POLD4: variants seen among roughly 807,000 people sequenced by gnomAD.
The protein encoded by POLD4 is DNA polymerase delta subunit 4.
POLD4 carries 9 observed loss-of-function variants against 16.5 expected under a neutral mutation model. That is an observed-to-expected ratio of 0.55 (90% CI 0.33 to 0.95). POLD4 has a LOEUF of 0.95. Among genes scored for constraint, POLD4 ranks in the 40% least tolerant of loss-of-function variants. POLD4 has a pLI of 0.03. For missense variants in POLD4, 129 were observed against 139.7 expected, an observed-to-expected ratio of 0.92 and a Z score of 0.39; for synonymous variants, 62 against 57.6, an observed-to-expected ratio of 1.08 and a Z score of -0.35.
In POLD4 at chr11:67,351,790, C is replaced by T; in HGVS notation, c.*205G>A. 1.7e-6 allele frequency: 1 copy of T among 575,640 alleles called. No homozygotes were observed. The allele number at this position is 575,640 out of a possible 1,614,324, so 35.7% of individuals were successfully genotyped here. On this transcript the variant is annotated 3_prime_UTR_variant, in exon 4 of 4. Coordinates refer to ENST00000312419, the MANE Select transcript of POLD4 (RefSeq NM_021173.5). This position sits in a 1 kb window ranked among gnomAD's most constrained non-coding sequence, Gnocchi z 4.8. Reference sequence around the variant, plus strand: ...CCACTCTCCATCTAGAAGCACTCTGCTTCAGCTGCGCAGGCTCTTCCGGGG... The same window carrying T: ...CCACTCTCCATCTAGAAGCACTCTGTTTCAGCTGCGCAGGCTCTTCCGGGG...
Position 67,351,946 on chromosome 11 carries a change from C to G in POLD4, c.*49G>C. 7.1e-7 allele frequency: 1 copy of G among 1,399,330 alleles called. No homozygotes were observed. The highest frequency in any genetic ancestry group is 1.5e-5 in the African/African-American group (1 of 67,042). 86.7% of individuals were successfully genotyped at this position (1,399,330 alleles called of 1,614,324 possible). ...GGGCTCTCGCTTCTGTCCTGAGGTT[C>G]TTGGGTGGTGAGCAAGAGAGCTAAG... is the stretch of plus-strand genomic sequence containing the variant. On this transcript the variant is annotated 3_prime_UTR_variant, in exon 4 of 4. Coordinates refer to ENST00000312419, the MANE Select transcript of POLD4 (RefSeq NM_021173.5). The surrounding 1 kb of genome is among the most constrained non-coding windows in gnomAD (Gnocchi z 4.8).
intron 1 of POLD4, 42 bp from the exon 2 acceptor site, chr11:67,353,119 C>G: frequency 1.3e-6 from 2 of 1,540,614 alleles, no homozygotes; most frequent in Admixed American, 3.9e-5. Context: ...TGGCTTCAGT[C>G]TCCTGCCCCT....
chr11:67,352,140 T>C, intron 3 of POLD4, 121 bp from the exon 4 acceptor site: 4 of 788,022 alleles, frequency 5.1e-6, no homozygotes, highest in Non-Finnish European at 8.5e-6. Context: ...CCCATAGTCC[T>C]TGGGAAACCC....
chr11:67,351,748 G>T lies in POLD4; in HGVS notation c.*247C>A. ...GCAGGTATTGGAAGGTGATGGCCAG[G>T]TCCTTTTCCCCAGTGACCACTCTCC... On this transcript the variant is annotated 3_prime_UTR_variant, in exon 4 of 4. Coordinates refer to ENST00000312419, the MANE Select transcript of POLD4 (RefSeq NM_021173.5). The surrounding 1 kb of genome is among the most constrained non-coding windows in gnomAD (Gnocchi z 4.8). 1 of 504,822 alleles carries T rather than the reference G, an allele frequency of 2.0e-6. No homozygotes were observed. The highest frequency in any genetic ancestry group is 3.4e-5 in the East Asian group (1 of 29,722). 31.3% of individuals were successfully genotyped at this position (504,822 alleles called of 1,614,324 possible).
At chr11:67,353,170 C>A in intron 1 of POLD4, 93 bp from the exon 2 acceptor site, 1 of 1,498,190 alleles carries the variant, frequency 6.7e-7, no homozygotes. Flanking sequence ...CCTCTGCCAC[C>A]CCGCAGCTAG....
In POLD4 at chr11:67,352,678, G is replaced by A. The variant is rs1476844363; in HGVS notation, c.299+13C>T. 1 of 1,606,754 alleles carries A rather than the reference G, an allele frequency of 6.2e-7. No homozygotes were observed. The highest frequency in any genetic ancestry group is 1.1e-5 in the South Asian group (1 of 90,812). On this transcript the variant is annotated intron_variant, in intron 3 of 3. Coordinates refer to ENST00000312419, the MANE Select transcript of POLD4 (RefSeq NM_021173.5). ...CCTGGCTCCCCTGAAAGCCCTCCCG[G>A]CCTGTCTCTGACCTGCACTGGAAGC...
chr11:67,353,209 ACCTTTC>A, intron 1 of POLD4, 88 bp downstream of exon 1: 1 of 1,534,410 alleles, frequency 6.5e-7, no homozygotes, highest in Non-Finnish European at 8.9e-7. Flanking sequence ...AGGACAGGCC[ACCTTTC>A]CCTTTCCATC....
chr11:67,353,274 T>A, intron 1 of POLD4, 29 bp downstream of exon 1: 1 of 1,598,728 alleles, frequency 6.3e-7, no homozygotes, highest in Non-Finnish European at 8.5e-7. Context: ...CCGTGTCCAC[T>A]CCTCCTGCCT....
intron 3 of POLD4, 181 bp from the exon 4 acceptor site, chr11:67,352,200 C>T (rs1861882569): frequency 3.4e-6 from 2 of 580,346 alleles, no homozygotes; most frequent in Non-Finnish European, 6.2e-6. Flanking sequence ...CCTTTGCCCC[C>T]CACTAGCTTG....
intron 1 of POLD4, 68 bp downstream of exon 1, chr11:67,353,235 G>A (rs1450910414): frequency 6.4e-7 from 1 of 1,560,358 alleles, no homozygotes; most frequent in Non-Finnish European, 8.7e-7. Flanking sequence ...CGGCCCCTCC[G>A]CCCCTCTAGG....
Position 67,351,892 on chromosome 11 carries a change from G to T in POLD4, c.*103C>A. On this transcript the variant is annotated 3_prime_UTR_variant, in exon 4 of 4. Transcript: ENST00000312419. This position sits in a 1 kb window ranked among gnomAD's most constrained non-coding sequence, Gnocchi z 4.8. ...GGTTCTGCCTGCCAAGGGTTCCTCC[G>T]CAGCCGGGCTGAGCTGAGCAGGAGC... is the stretch of plus-strand genomic sequence containing the variant. The T allele has an allele frequency of 7.6e-7, 1 of 1,320,568 alleles. No individual in the cohort carries two copies. Among genetic ancestry groups the T allele is most frequent in the Non-Finnish European group, 1.1e-6 (1 of 943,314 alleles). The allele number at this position is 1,320,568 out of a possible 1,614,324, so 81.8% of individuals were successfully genotyped here.
chr11:67,353,016 G>A lies in POLD4; in HGVS notation c.159C>T (p.Asp53=). ...TGCAGGGCCCGTACTGCCAGGCCAG[G>A]TCAAACTGCCTCAGCAGCTCCAGCT... ...EAELELLRQF[D]LAWQYGPCTG... The change falls in exon 2 of 4, where the codon GAC becomes GAT. Residue 53 remains aspartate (D), a synonymous_variant. Coordinates refer to ENST00000312419, the MANE Select transcript of POLD4 (RefSeq NM_021173.5). 1 of 1,587,270 alleles carries A rather than the reference G, an allele frequency of 6.3e-7. No individual in the cohort carries two copies. The highest frequency in any genetic ancestry group is 8.6e-7 in the Non-Finnish European group (1 of 1,166,532).
chr11:67,353,300 G>A lies in POLD4; in HGVS notation c.97+3C>T, dbSNP rs1477100880. 1 of 1,610,792 alleles carries A rather than the reference G, an allele frequency of 6.2e-7. No homozygotes were observed. The highest frequency in any genetic ancestry group is 1.1e-5 in the South Asian group (1 of 90,946). On this transcript the variant is annotated splice_donor_region_variant and intron_variant, in intron 1 of 3. Coordinates refer to ENST00000312419, the MANE Select transcript of POLD4 (RefSeq NM_021173.5). ...CCTCCTGCCTCCCTCACACCTCAGAGACCTAGCTCGGGTGCCAGCTCCCCC... is the reference window on the plus strand; with the variant it reads ...CCTCCTGCCTCCCTCACACCTCAGAAACCTAGCTCGGGTGCCAGCTCCCCC...
rs554917197 is a variant in POLD4 at position 67,351,587 on chromosome 11, C to A, written c.*408G>T. 22 of 188,382 alleles carry A rather than the reference C, an allele frequency of 1.2e-4. No homozygotes were observed. The South Asian group carries it at 2.1e-3, about 18-fold the overall frequency. 11.7% of individuals were successfully genotyped at this position (188,382 alleles called of 1,614,324 possible). ...TTCTTTATTGATAAGCATTAGTGAA[C>A]CCCTTGCCCTGGGAGCTCAGCCAGT... On this transcript the variant is annotated 3_prime_UTR_variant, in exon 4 of 4. Transcript: ENST00000312419. This position sits in a 1 kb window ranked among gnomAD's most constrained non-coding sequence, Gnocchi z 4.8.
Position 67,353,339 on chromosome 11 carries a change from C to A in POLD4, c.61G>T (p.Ala21Ser), listed in dbSNP as rs753879282. The A allele has an allele frequency of 6.2e-7, 1 of 1,612,378 alleles. No homozygotes were observed. The highest frequency in any genetic ancestry group is 8.5e-7 in the Non-Finnish European group (1 of 1,179,980). Residue 21 changes from alanine (A) to serine (S), a missense_variant, in exon 1 of 4, where the codon GCT (alanine) becomes TCT (serine). Coordinates refer to ENST00000312419, the MANE Select transcript of POLD4 (RefSeq NM_021173.5). ...YPVVKRREGP[A>S]GHSKGELAPE... ...GCCAGCTCCCCCTTGCTGTGCCCAG[C>A]GGGCCCCTCCCTCCTCTTCACAACC...
chr11:67,352,660 C>G (rs771932144), intron 3 of POLD4, 31 bp downstream of exon 3: 1 of 1,563,270 alleles, frequency 6.4e-7, no homozygotes. Context: ...GGCCCTGGCT[C>G]CCCTGAAAGC....
chr11:67,351,703 A>G lies in POLD4; in HGVS notation c.*292T>C. The stretch of plus-strand genomic sequence containing the variant: ...CTGACTGTGCCTAACTTGCCAGATC[A>G]TGGGTCAGGGAGACAGGCAGCAGGT... On this transcript the variant is annotated 3_prime_UTR_variant, in exon 4 of 4. Transcript: ENST00000312419. This position sits in a 1 kb window ranked among gnomAD's most constrained non-coding sequence, Gnocchi z 4.8. 2.4e-6 allele frequency: 1 copy of G among 412,914 alleles called. No homozygotes were observed. 25.6% of individuals were successfully genotyped at this position (412,914 alleles called of 1,614,324 possible). A position where few individuals can be genotyped will look rare whatever the true frequency, so the allele number is the denominator to read the frequency against.
At position 67,351,681 on chromosome 11, in the gene POLD4, A is replaced by G; in HGVS notation, c.*314T>C. The G allele has an allele frequency of 2.7e-6, 1 of 365,308 alleles. No individual in the cohort carries two copies. Among genetic ancestry groups the G allele is most frequent in the Non-Finnish European group, 5.1e-6 (1 of 196,308 alleles). 22.6% of individuals were successfully genotyped at this position (365,308 alleles called of 1,614,324 possible). A position where few individuals can be genotyped will look rare whatever the true frequency, so the allele number is the denominator to read the frequency against. The stretch of plus-strand genomic sequence containing the variant: ...CTCATGGATCAACTGTCCATGTCTG[A>G]CTGTGCCTAACTTGCCAGATCATGG... On this transcript the variant is annotated 3_prime_UTR_variant, in exon 4 of 4. Coordinates refer to ENST00000312419, the MANE Select transcript of POLD4 (RefSeq NM_021173.5). The surrounding 1 kb of genome is among the most constrained non-coding windows in gnomAD (Gnocchi z 4.8).
In POLD4 at chr11:67,353,364, C is replaced by T. The variant is rs944001533; in HGVS notation, c.36G>A (p.Pro12=). The change falls in exon 1 of 4, where the codon CCG becomes CCA. Residue 12 remains proline (P), a synonymous_variant. Transcript: ENST00000312419. ...CGGGCCCCTCCCTCCTCTTCACAAC[C>T]GGGTAGGAATCAGTGATGAGCCGCT... ...GRKRLITDSY[P]VVKRREGPAG... 2 of 1,612,392 alleles carry T rather than the reference C, an allele frequency of 1.2e-6. No individual in the cohort carries two copies. The highest frequency in any genetic ancestry group is 1.7e-5 in the Admixed American group (1 of 59,998).
Sources: gnomAD v4.1 joint callset for allele counts on GRCh38, gnomAD v4.1.1 for gene constraint, Gnocchi (gnomAD v3.1) non-coding constraint, MANE v1.5 for transcripts, NCBI Gene and HGNC (gene_info 2026-07-23, HGNC 2026-07-21) for gene names.